Variants in RORA observed in about 807,000 individuals in gnomAD.
RORA encodes the protein nuclear receptor ROR-alpha.
Under a neutral mutation model 69.5 loss-of-function variants are expected in RORA, and 7 were observed. The observed-to-expected ratio is 0.10, with a 90% CI of 0.06 to 0.19. RORA has a LOEUF of 0.19. Ranked by LOEUF, RORA falls within the 10% of genes least tolerant of loss-of-function variation. The probability of loss-of-function intolerance (pLI) is 1.00; values close to 1 mark genes in which losing one functional copy is unlikely to be tolerated. For synonymous variants in RORA, 261 were observed against 240.8 expected (o/e 1.08, Z -0.78); for missense variants, 457 against 663.0 (o/e 0.69, Z 3.41).
At chr15:61,208,849 C>T (rs886314029) in intron 1 of RORA, among the ~76,000 whole-genome samples, 2 of 152,144 alleles carry the variant, frequency 1.3e-5, no homozygotes, top group Non-Finnish European at 2.9e-5. Context: ...AGGGCATTAA[C>T]CATAAAGATA....
chr15:61,149,393 A>T (rs1297598930), intron 1 of RORA, among the ~76,000 whole-genome samples: 1 of 152,136 alleles, frequency 6.6e-6, no homozygotes, highest in East Asian at 1.9e-4. Flanking sequence ...TCCTACAACG[A>T]ACTCATCAGA....
At chr15:61,161,754 T>G (rs1001397993) in intron 1 of RORA, among the ~76,000 whole-genome samples, 4 of 152,164 alleles carry the variant, frequency 2.6e-5, no homozygotes, top group African/African-American at 9.7e-5. Context: ...TTTCTTCTCA[T>G]AGCCAATATG....
intron 1 of RORA, among the ~76,000 whole-genome samples, chr15:61,157,931 G>A (rs2079459511): frequency 6.6e-6 from 1 of 152,106 alleles, no homozygotes; most frequent in Non-Finnish European, 1.5e-5. Context: ...CAACAGAGTC[G>A]GGCCTCTGAG....
chr15:61,171,449 A>T (rs974187614), intron 1 of RORA, among the ~76,000 whole-genome samples: 8 of 152,200 alleles, frequency 5.3e-5, no homozygotes, highest in Non-Finnish European at 1.5e-5. Context: ...ATAAGAACCC[A>T]GGTGATGCTG....
chr15:60,907,533 C>T (rs1013785217), intron 1 of RORA, among the ~76,000 whole-genome samples: 6 of 152,110 alleles, frequency 3.9e-5, no homozygotes, highest in African/African-American at 1.4e-4. Context: ...ACATTTTAGG[C>T]TCTTCATTTG....
chr15:61,008,197 CTCTCTCTGTGTGTG>C (rs751156895), intron 1 of RORA, among the ~76,000 whole-genome samples: 5 of 89,104 alleles, frequency 5.6e-5, no homozygotes, highest in South Asian at 5.7e-4. Context: ...AAAATTCTCT[CTCTCTCTGTGTGTG>C]TGTGTGTGTG....
At chr15:61,082,615 T>C (rs1219243139) in intron 1 of RORA, among the ~76,000 whole-genome samples, 5 of 152,214 alleles carry the variant, frequency 3.3e-5, no homozygotes, top group African/African-American at 4.8e-5. Flanking sequence ...CACTTGAGTA[T>C]GTGTGGACAG....
chr15:61,199,635 T>C (rs1002644634), intron 1 of RORA, among the ~76,000 whole-genome samples: 19 of 152,132 alleles, frequency 1.2e-4, no homozygotes, highest in African/African-American at 4.3e-4. Flanking sequence ...AAAACCATCT[T>C]AGTCACACAG....
chr15:60,954,167 T>A (rs1473329295), intron 1 of RORA, among the ~76,000 whole-genome samples: 2 of 144,632 alleles, frequency 1.4e-5, no homozygotes, highest in Non-Finnish European at 3.0e-5. Flanking sequence ...TTGGAAATCA[T>A]CATTCTCAGT....
At chr15:61,068,053 G>C (rs1480607773) in intron 1 of RORA, among the ~76,000 whole-genome samples, 2 of 152,140 alleles carry the variant, frequency 1.3e-5, no homozygotes. Flanking sequence ...CCATATTTTG[G>C]TCAAAATATT....
chr15:61,229,199 G>T lies in RORA; in HGVS notation c.20C>A (p.Ala7Asp). ...TGGCTCGCTGGCGGCGGGGTCGGGG[G>T]CTGCCGGAGCTGACTCCATGTTTTT... is the stretch of plus-strand genomic sequence containing the variant. Reference protein sequence around the residue: MESAPAAPDPAASEPGS... With the variant: MESAPADPDPAASEPGS... Residue 7 changes from alanine (A) to aspartate (D), a missense_variant, in exon 1 of 11, where the codon GCC (alanine) becomes GAC (aspartate). This residue lies in a region of RORA where 119 missense variants were observed against 92.4 expected (regional missense o/e 1.29). Transcript: ENST00000335670. 6.5e-7 allele frequency: 1 copy of T among 1,542,730 alleles called. No homozygotes were observed.
rs180785083 is a variant in RORA, at chr15:61,082,065, T to C, written c.166+146988A>G. ...TCACAGGTTTACTGTGACAATCATA[T>C]GTAAAAATAATTTTGTAAAGTGCTG... On this transcript the variant is annotated intron_variant, in intron 1 of 10. Coordinates refer to ENST00000335670, the MANE Select transcript of RORA (RefSeq NM_134261.3). 5.3e-4 allele frequency among the ~76,000 whole-genome samples: 81 copies of C among 152,304 alleles called. No homozygotes were observed. In the Middle Eastern group the frequency reaches 0.014, roughly 26 times the overall value.
At chr15:61,067,581 A>T (rs1156696262) in intron 1 of RORA, among the ~76,000 whole-genome samples, 1 of 152,218 alleles carries the variant, frequency 6.6e-6, no homozygotes, top group Non-Finnish European at 1.5e-5. Flanking sequence ...CAATTTTAAG[A>T]TTGTTATTTC....
intron 1 of RORA, among the ~76,000 whole-genome samples, chr15:60,856,008 A>G (rs1022729434): frequency 3.9e-5 from 6 of 152,148 alleles, no homozygotes; most frequent in Non-Finnish European, 8.8e-5. Flanking sequence ...TATATACTGA[A>G]TCAGGAATTG....
chr15:60,795,438 C>G (rs114556214), intron 1 of RORA, among the ~76,000 whole-genome samples: 2,515 of 152,278 alleles, frequency 0.017, 33 homozygotes, highest in Admixed American at 0.033. Flanking sequence ...AGCCAAACCC[C>G]GGGAGAGTAT....
At chr15:61,134,988 C>A (rs1388022501) in intron 1 of RORA, among the ~76,000 whole-genome samples, 3 of 151,908 alleles carry the variant, frequency 2.0e-5, no homozygotes, top group Non-Finnish European at 4.4e-5. Flanking sequence ...CAAGCAAACC[C>A]CTGTCCAACA....
chr15:61,165,465 C>G (rs1297697320), intron 1 of RORA, among the ~76,000 whole-genome samples: 1 of 152,216 alleles, frequency 6.6e-6, no homozygotes, highest in Non-Finnish European at 1.5e-5. Context: ...GTGTCTTTAT[C>G]CTAGACCACG....
chr15:60,738,921 G>A (rs183466245), intron 1 of RORA, among the ~76,000 whole-genome samples: 1 of 152,304 alleles, frequency 6.6e-6, no homozygotes, highest in East Asian at 1.9e-4. Flanking sequence ...TCTTCACAAA[G>A]CATTCTCCCT....
At chr15:60,535,871 CTTAA>C (rs981704922) in intron 2 of RORA, among the ~76,000 whole-genome samples, 3 of 152,180 alleles carry the variant, frequency 2.0e-5, no homozygotes, top group African/African-American at 7.2e-5. Context: ...GCATCACTTA[CTTAA>C]TTGTTACTGT....
Sources: allele counts gnomAD v4.1 joint callset (sites outside exome capture counted in the v4.1 genomes callset), GRCh38; gene constraint gnomAD v4.1.1; regional missense constraint gnomAD v4.1.1; transcripts MANE v1.5; gene names NCBI Gene and HGNC (gene_info 2026-07-23, HGNC 2026-07-21).